Variants in PCDHA2 observed in about 807,000 individuals in gnomAD.
The protein encoded by PCDHA2 is protocadherin alpha 2.
In PCDHA2, 58 loss-of-function variants were observed where a neutral mutation model predicts 66.0. The ratio of observed to expected loss-of-function variants is 0.88; its 90% CI spans 0.71 to 1.09. PCDHA2 has a LOEUF of 1.09. PCDHA2 is among the 50% of genes least tolerant of loss of function. The pLI, the probability that PCDHA2 is intolerant of heterozygous loss-of-function variation, is 0.00. For missense variants in PCDHA2, 1,267 were observed against 1,242.3 expected (o/e 1.02, Z -0.30); for synonymous variants, 634 against 554.0 (o/e 1.14, Z -2.03).
In PCDHA2 at chr5:140,829,498, G is replaced by A. The variant is rs143385612; in HGVS notation, c.2388+32146G>A. On this transcript the variant is annotated intron_variant, in intron 1 of 3. Transcript: ENST00000526136. ...CAGTGTTCGTGAAGGAGAACAACCC[G>A]CCGGGCTGCCACATCTTCACGGTGT... is the stretch of plus-strand genomic sequence containing the variant. The A allele has an allele frequency of 5.0e-6, 8 of 1,613,570 alleles. No individual in the cohort carries two copies. In the African/African-American group the frequency reaches 6.7e-5, roughly 13 times the overall value.
intron 3 of PCDHA2, among the ~76,000 whole-genome samples, chr5:141,006,789 C>T (rs1388215052): frequency 6.6e-6 from 1 of 152,026 alleles, no homozygotes; most frequent in Non-Finnish European, 1.5e-5. Flanking sequence ...GAATAATTAG[C>T]TTTGAACTTT....
intron 1 of PCDHA2, among the ~76,000 whole-genome samples, chr5:140,907,507 T>C (rs1358466312): frequency 2.0e-5 from 3 of 152,230 alleles, no homozygotes; most frequent in Admixed American, 6.5e-5. Context: ...TAAGTGTCTA[T>C]TCCAGTGAGG....
At chr5:140,962,710 T>C (rs2095702479) in intron 1 of PCDHA2, among the ~76,000 whole-genome samples, 1 of 152,246 alleles carries the variant, frequency 6.6e-6, no homozygotes, top group South Asian at 2.1e-4. Context: ...ATAATCATAT[T>C]GGAAAGTATT....
intron 1 of PCDHA2, chr5:140,806,781 G>T (rs60724756): frequency 0.043 from 8,430 of 196,850 alleles, 735 homozygotes; most frequent in African/African-American, 0.19. Context: ...TAAAACCTGT[G>T]TTGAAAAAAT....
intron 1 of PCDHA2, chr5:140,851,271 T>C: frequency 1.9e-6 from 2 of 1,067,438 alleles, no homozygotes; most frequent in South Asian, 8.1e-5. Flanking sequence ...TCTACTTGTA[T>C]TGTTTATAAG....
rs782277287 is a variant in PCDHA2 at position 140,929,397 on chromosome 5, T to C, written c.2389-49552T>C. 4.6e-6 allele frequency: 7 copies of C among 1,509,852 alleles called. No homozygotes were observed. In the South Asian group the frequency reaches 9.5e-5, roughly 21 times the overall value. The allele number at this position is 1,509,852 out of a possible 1,614,324, so 93.5% of individuals were successfully genotyped here. A position where few individuals can be genotyped will look rare whatever the true frequency, so the allele number is the denominator to read the frequency against. Reference sequence around the variant, plus strand: ...GCTAGCTGTGTTTTGAAATATTTCTTAGACAAGCCTTTCACAACATTTCAT... The same window carrying C: ...GCTAGCTGTGTTTTGAAATATTTCTCAGACAAGCCTTTCACAACATTTCAT... On this transcript the variant is annotated intron_variant, in intron 1 of 3. Transcript: ENST00000526136.
intron 1 of PCDHA2, chr5:140,861,213 A>C: frequency 6.0e-6 from 1 of 166,518 alleles, no homozygotes; most frequent in Non-Finnish European, 1.3e-5. Flanking sequence ...ACTAACCAAA[A>C]GAGAGGCATA....
chr5:140,968,500 C>T, intron 1 of PCDHA2: 2 of 1,614,222 alleles, frequency 1.2e-6, no homozygotes, highest in Middle Eastern at 1.6e-4. Context: ...ATGCCCCTCA[C>T]ATTCTGTACC....
At position 140,796,216 on chromosome 5, in the gene PCDHA2, G is replaced by A. The variant is rs782456335; in HGVS notation, c.1252G>A (p.Val418Met). The change falls in exon 1 of 4, where the codon GTG becomes ATG. Residue 418 changes from valine to methionine, a missense_variant. Coordinates refer to ENST00000526136, the MANE Select transcript of PCDHA2 (RefSeq NM_018905.3). ...VLDSALDRES[V>M]SAYELVVTAR... ...GGACAGCGCCCTGGACCGCGAGAGC[G>A]TGTCAGCCTATGAGCTGGTGGTGAC... is the stretch of plus-strand genomic sequence containing the variant. 2.3e-5 allele frequency: 37 copies of A among 1,614,198 alleles called. No homozygotes were observed. The highest frequency in any genetic ancestry group is 2.7e-5 in the African/African-American group (2 of 75,070).
At chr5:140,924,903 AAATAAAATAAAATAAAAT>A (rs2082154741) in intron 1 of PCDHA2, among the ~76,000 whole-genome samples, 1 of 54,856 alleles carries the variant, frequency 1.8e-5, no homozygotes, top group Non-Finnish European at 3.6e-5. Flanking sequence ...TCAAAAAAAA[AAATAAAATAAAATAAAAT>A]AAAATAAAAT....
At chr5:140,993,081 A>G (rs966669704) in intron 3 of PCDHA2, among the ~76,000 whole-genome samples, 34 of 152,234 alleles carry the variant, frequency 2.2e-4, no homozygotes, top group Non-Finnish European at 2.8e-4. Flanking sequence ...GTCTGCAATC[A>G]GCAGGGCTAT....
Position 140,835,022 on chromosome 5 carries a change from G to A in PCDHA2, c.2388+37670G>A. ...CTCCGGAGCTTCATTTATTGCTCACGGCCACCGATGGAGGCAAACCCGAGC... is the reference window on the plus strand; with the variant it reads ...CTCCGGAGCTTCATTTATTGCTCACAGCCACCGATGGAGGCAAACCCGAGC... On this transcript the variant is annotated intron_variant, in intron 1 of 3. Coordinates refer to ENST00000526136, the MANE Select transcript of PCDHA2 (RefSeq NM_018905.3). 3 of 1,341,264 alleles carry A rather than the reference G, an allele frequency of 2.2e-6. No individual in the cohort carries two copies. The South Asian group carries it at 4.2e-5, about 19-fold the overall frequency. 83.1% of individuals were successfully genotyped at this position (1,341,264 alleles called of 1,614,324 possible). A position where few individuals can be genotyped will look rare whatever the true frequency, so the allele number is the denominator to read the frequency against.
intron 1 of PCDHA2, chr5:140,862,568 C>A: frequency 2.1e-6 from 1 of 480,650 alleles, no homozygotes; most frequent in African/African-American, 2.0e-5. Context: ...AACCACAATG[C>A]CCTGGCGTTC....
chr5:140,898,148 A>C lies in PCDHA2; in HGVS notation c.2389-80801A>C, dbSNP rs532668918. On this transcript the variant is annotated intron_variant, in intron 1 of 3. Coordinates refer to ENST00000526136, the MANE Select transcript of PCDHA2 (RefSeq NM_018905.3). ...CTCCCATTTTGTAGGTTGCCTGTTC[A>C]CGCTGATGGTGGTTTCTTTTGCTGT... Among the ~76,000 whole-genome samples, 1,044 of 152,230 alleles carry C rather than the reference A, an allele frequency of 6.9e-3. 8 individuals are homozygous for C. The highest frequency in any genetic ancestry group is 0.024 in the African/African-American group (1,010 of 41,492).
chr5:140,808,709 G>C (rs782467255), intron 1 of PCDHA2: 2 of 1,612,236 alleles, frequency 1.2e-6, no homozygotes, highest in Non-Finnish European at 1.7e-6. Context: ...GTCGAGCTAC[G>C]TTTCGGTGCA....
chr5:140,995,899 A>G (rs900121248), intron 3 of PCDHA2, among the ~76,000 whole-genome samples: 2 of 152,226 alleles, frequency 1.3e-5, no homozygotes, highest in Non-Finnish European at 2.9e-5. Context: ...ATCAATGTAT[A>G]AAAGAGGAGA....
intron 1 of PCDHA2, among the ~76,000 whole-genome samples, chr5:140,914,503 T>C (rs2879076): frequency 0.12 from 17,707 of 152,222 alleles, 1,150 homozygotes; most frequent in Middle Eastern, 0.19. Context: ...CAACAGATCA[T>C]TGGGTCATGT....
intron 1 of PCDHA2, chr5:140,864,826 T>C (rs1297675845): frequency 6.6e-6 from 1 of 152,188 alleles, no homozygotes; most frequent in African/African-American, 2.4e-5. Flanking sequence ...ATTTGGGCTT[T>C]AAGTATAAGA....
chr5:140,884,478 C>G, intron 1 of PCDHA2: 1 of 1,613,916 alleles, frequency 6.2e-7, no homozygotes, highest in African/African-American at 1.3e-5. Context: ...CCGGGCAAGC[C>G]CACTCTAGTG....
Sources: gnomAD v4.1 joint callset for allele counts (sites outside exome capture counted in the v4.1 genomes callset) on GRCh38, gnomAD v4.1.1 for gene constraint, MANE v1.5 for transcripts, NCBI Gene and HGNC (gene_info 2026-07-23, HGNC 2026-07-21) for gene names.